The following SPOCK1 variants were observed in gnomAD, a reference collection of about 807,000 sequenced individuals.
The protein encoded by SPOCK1 is SPARC (osteonectin), cwcv and kazal like domains proteoglycan 1.
A neutral mutation model predicts 55.3 loss-of-function variants in SPOCK1; 23 were observed. The observed-to-expected ratio is 0.42, with a 90% CI of 0.30 to 0.59. The LOEUF (loss-of-function observed/expected upper bound fraction) is 0.59, where lower values mean the gene tolerates loss of function less well. SPOCK1 is among the 20% of genes least tolerant of loss of function. The pLI, the probability that SPOCK1 is intolerant of heterozygous loss-of-function variation, is 0.22. For missense variants in SPOCK1, 499 were observed against 552.5 expected, an observed-to-expected ratio of 0.90 and a Z score of 0.97; for synonymous variants, 226 against 221.0, an observed-to-expected ratio of 1.02 and a Z score of -0.20.
intron 7 of SPOCK1, among the ~76,000 whole-genome samples, chr5:136,989,414 C>A (rs1363242268): frequency 1.3e-5 from 2 of 152,172 alleles, no homozygotes; most frequent in African/African-American, 4.8e-5. Context: ...TTTTCAGAAT[C>A]AAAGGTCCCG....
intron 2 of SPOCK1, among the ~76,000 whole-genome samples, chr5:137,423,160 G>T (rs550663399): frequency 6.6e-6 from 1 of 152,324 alleles, no homozygotes; most frequent in East Asian, 1.9e-4. Context: ...TGTCTCAGAG[G>T]AGTACCCAGC....
chr5:137,210,885 A>G (rs1029103171), intron 3 of SPOCK1, among the ~76,000 whole-genome samples: 1 of 152,216 alleles, frequency 6.6e-6, no homozygotes, highest in African/African-American at 2.4e-5. Flanking sequence ...ACTGGAGTCC[A>G]GGGGCTCAAT....
In SPOCK1 at chr5:136,989,698, A is replaced by G. The variant is rs188831121; in HGVS notation, c.707-1055T>C. On this transcript the variant is annotated intron_variant, in intron 7 of 10. Transcript: ENST00000394945. Reference sequence around the variant, plus strand: ...TTAATCCAGAATCTACATATTCTCAATGACACCTCTGCTAGCCTTCTGCCT... The same window carrying G: ...TTAATCCAGAATCTACATATTCTCAGTGACACCTCTGCTAGCCTTCTGCCT... Among the ~76,000 whole-genome samples, 32 of 152,210 alleles carry G rather than the reference A, an allele frequency of 2.1e-4. No individual in the cohort carries two copies. The East Asian group carries it at 4.1e-3, about 19-fold the overall frequency.
rs148232217 is a variant in SPOCK1 at position 137,358,146 on chromosome 5, T to C, written c.187-91091A>G. Among the ~76,000 whole-genome samples the C allele has an allele frequency of 2.7e-4, 41 of 151,674 alleles. No homozygotes were observed. The South Asian group carries it at 2.7e-3, about 10-fold the overall frequency. On this transcript the variant is annotated intron_variant, in intron 2 of 10. Transcript: ENST00000394945. ...GCCTGCTTAGGGAGGAGGAGTAGAG[T>C]AAAGGTGTTTTGTGGCTGCTATGTG...
rs370485905 is a variant in SPOCK1 at position 137,250,614 on chromosome 5, C to T, written c.232+16396G>A. ...TGCCTGCCAACACGAGCTGCTTGCC[C>T]CTGTGTGCAGAGGCTTGGGAAGCTG... On this transcript the variant is annotated intron_variant, in intron 3 of 10. Coordinates refer to ENST00000394945, the MANE Select transcript of SPOCK1 (RefSeq NM_004598.4). Among the ~76,000 whole-genome samples the T allele has an allele frequency of 1.1e-4, 17 of 152,274 alleles. No homozygotes were observed. The South Asian group carries it at 3.3e-3, about 30-fold the overall frequency.
In SPOCK1 at chr5:137,015,111, C is replaced by T. The variant is rs78637103; in HGVS notation, c.590-22511G>A. Among the ~76,000 whole-genome samples the T allele has an allele frequency of 2.8e-4, 43 of 152,248 alleles. 1 individual carries two copies. The East Asian group carries it at 8.3e-3, about 29-fold the overall frequency. On this transcript the variant is annotated intron_variant, in intron 6 of 10. Coordinates refer to ENST00000394945, the MANE Select transcript of SPOCK1 (RefSeq NM_004598.4). ...AGAAGAATTTGTAGCATGGTTATCA[C>T]AGTAGTCTTGGGAAAGTAAAATTGG...
chr5:137,126,648 GCTA>G (rs1033351366), intron 4 of SPOCK1, among the ~76,000 whole-genome samples: 1 of 152,152 alleles, frequency 6.6e-6, no homozygotes, highest in Non-Finnish European at 1.5e-5. Context: ...TGTAATCCAA[GCTA>G]CTCGGGAGGC....
chr5:137,104,371 C>T (rs1429224835), intron 5 of SPOCK1, among the ~76,000 whole-genome samples: 3 of 152,182 alleles, frequency 2.0e-5, no homozygotes, highest in Non-Finnish European at 2.9e-5. Context: ...GCCTACAGAA[C>T]CATAAGTCAA....
At chr5:137,275,117 G>C (rs569070512) in intron 2 of SPOCK1, among the ~76,000 whole-genome samples, 2 of 152,302 alleles carry the variant, frequency 1.3e-5, no homozygotes, top group East Asian at 3.9e-4. Context: ...CCCTGAAAGG[G>C]TATGTCTCCT....
At chr5:137,179,615 C>T (rs560181139) in intron 3 of SPOCK1, among the ~76,000 whole-genome samples, 55 of 152,268 alleles carry the variant, frequency 3.6e-4, no homozygotes, top group African/African-American at 1.1e-3. Context: ...TCAATACTGC[C>T]TAGCATGACA....
chr5:137,025,036 T>C (rs998858990), intron 6 of SPOCK1, among the ~76,000 whole-genome samples: 4 of 152,172 alleles, frequency 2.6e-5, no homozygotes, highest in South Asian at 2.1e-4. Flanking sequence ...ATTCCACTTA[T>C]ATGAGGTATC....
intron 6 of SPOCK1, among the ~76,000 whole-genome samples, chr5:137,010,626 C>T (rs949093979): frequency 6.6e-6 from 1 of 152,056 alleles, no homozygotes; most frequent in Non-Finnish European, 1.5e-5. Context: ...CACCAGCACA[C>T]ACATAAAGGC....
rs910061523 is a variant in SPOCK1, at chr5:136,994,249, T to TAATC, written c.590-1653_590-1650dup. On this transcript the variant is annotated intron_variant, in intron 6 of 10. Coordinates refer to ENST00000394945, the MANE Select transcript of SPOCK1 (RefSeq NM_004598.4). ...CCTTAAAACACTGCCTTGCTTTTAATAATCAGGGTTTGGCTGTATTTTAAA... is the reference window on the plus strand; with the variant it reads ...CCTTAAAACACTGCCTTGCTTTTAATAATCAATCAGGGTTTGGCTGTATTTTAAA... 4.0e-4 allele frequency among the ~76,000 whole-genome samples: 61 copies of TAATC among 152,312 alleles called. 1 individual carries two copies. Among genetic ancestry groups the TAATC allele is most frequent in the African/African-American group, 1.4e-3 (59 of 41,576 alleles).
At chr5:137,252,151 C>G (rs1756544747) in intron 3 of SPOCK1, among the ~76,000 whole-genome samples, 1 of 152,164 alleles carries the variant, frequency 6.6e-6, no homozygotes, top group Admixed American at 6.5e-5. Context: ...GTCTCAAACT[C>G]CTGACTTCAG....
chr5:137,199,739 G>A (rs754304614), intron 3 of SPOCK1, among the ~76,000 whole-genome samples: 1 of 152,060 alleles, frequency 6.6e-6, no homozygotes, highest in Non-Finnish European at 1.5e-5. Flanking sequence ...CTCTGCCTAG[G>A]TGATGCATCT....
At chr5:137,250,671 C>CA (rs1191511733) in intron 3 of SPOCK1, among the ~76,000 whole-genome samples, 1 of 149,128 alleles carries the variant, frequency 6.7e-6, no homozygotes, top group Admixed American at 6.6e-5. Context: ...AGAGGACACA[C>CA]GGATGGCTTC....
At chr5:137,261,043 G>A (rs967063043) in intron 3 of SPOCK1, among the ~76,000 whole-genome samples, 26 of 152,128 alleles carry the variant, frequency 1.7e-4, no homozygotes, top group African/African-American at 6.3e-4. Flanking sequence ...GTATTAAGAT[G>A]CTTCCCACAA....
At chr5:137,210,797 C>T (rs1755595919) in intron 3 of SPOCK1, among the ~76,000 whole-genome samples, 1 of 152,222 alleles carries the variant, frequency 6.6e-6, no homozygotes, top group South Asian at 2.1e-4. Context: ...TTGTATTCTC[C>T]CTAGTCCGGC....
chr5:137,280,928 C>A (rs1222369944), intron 2 of SPOCK1, among the ~76,000 whole-genome samples: 1 of 152,138 alleles, frequency 6.6e-6, no homozygotes, highest in African/African-American at 2.4e-5. Flanking sequence ...GTGCTGGAAG[C>A]CTCAACCATC....
Sources: allele counts gnomAD v4.1 joint callset (sites outside exome capture counted in the v4.1 genomes callset), GRCh38; gene constraint gnomAD v4.1.1; transcripts MANE v1.5; gene names NCBI Gene and HGNC (gene_info 2026-07-23, HGNC 2026-07-21).